The following TMEM178B variants were observed in gnomAD, a reference collection of about 807,000 sequenced individuals.
TMEM178B encodes transmembrane protein 178B.
In TMEM178B, 5 loss-of-function variants were observed where a neutral mutation model predicts 31.0. That is an observed-to-expected ratio of 0.16 (90% CI 0.08 to 0.34). The LOEUF (loss-of-function observed/expected upper bound fraction) is 0.34, where lower values mean the gene tolerates loss of function less well. Ranked by LOEUF, TMEM178B falls within the 10% of genes least tolerant of loss-of-function variation. The pLI, the probability that TMEM178B is intolerant of heterozygous loss-of-function variation, is 1.00. For synonymous variants in TMEM178B, 164 were observed against 164.0 expected, an observed-to-expected ratio of 1.00 and a Z score of 0.00; for missense variants, 275 against 400.3, an observed-to-expected ratio of 0.69 and a Z score of 2.67.
chr7:141,106,289 A>G (rs903969626), intron 1 of TMEM178B, among the ~76,000 whole-genome samples: 12 of 152,156 alleles, frequency 7.9e-5, no homozygotes, highest in African/African-American at 2.9e-4. Flanking sequence ...CAGACATGGC[A>G]CTCTTTTTCT....
At chr7:141,206,858 T>C (rs1185340169) in intron 1 of TMEM178B, among the ~76,000 whole-genome samples, 1 of 152,238 alleles carries the variant, frequency 6.6e-6, no homozygotes, top group Non-Finnish European at 1.5e-5. Flanking sequence ...TATTATTAAC[T>C]ATAGGCATAA....
intron 1 of TMEM178B, among the ~76,000 whole-genome samples, chr7:141,206,231 C>A (rs183320428): frequency 6.6e-6 from 1 of 152,312 alleles, no homozygotes; most frequent in East Asian, 1.9e-4. Flanking sequence ...ATGGAACAGT[C>A]TCTTCCCATT....
chr7:141,360,276 C>G (rs1404684781), intron 2 of TMEM178B, among the ~76,000 whole-genome samples: 1 of 152,186 alleles, frequency 6.6e-6, no homozygotes, highest in South Asian at 2.1e-4. Flanking sequence ...CTTCCTGCAG[C>G]CTTGGGGAAT....
chr7:141,383,221 T>A (rs968904084), intron 2 of TMEM178B, among the ~76,000 whole-genome samples: 1 of 149,472 alleles, frequency 6.7e-6, no homozygotes, highest in African/African-American at 2.5e-5. Flanking sequence ...AGATAATTCT[T>A]TTTTTTTTAA....
At chr7:141,415,856 C>T (rs1209589051) in intron 2 of TMEM178B, 1 of 152,128 alleles carries the variant, frequency 6.6e-6, no homozygotes, top group Non-Finnish European at 1.5e-5. Context: ...GGATCAGAAG[C>T]CCAGGAGAAA....
At chr7:141,192,809 C>T (rs1389712084) in intron 1 of TMEM178B, among the ~76,000 whole-genome samples, 1 of 152,212 alleles carries the variant, frequency 6.6e-6, no homozygotes, top group Non-Finnish European at 1.5e-5. Flanking sequence ...TGTTTCAGTA[C>T]TTAGACATCA....
intron 1 of TMEM178B, among the ~76,000 whole-genome samples, chr7:141,178,910 C>T (rs764292885): frequency 1.3e-5 from 2 of 152,140 alleles, no homozygotes; most frequent in Non-Finnish European, 2.9e-5. Context: ...AATGGAGGCC[C>T]GAGGGACTCT....
intron 1 of TMEM178B, among the ~76,000 whole-genome samples, chr7:141,092,219 T>G (rs1351164974): frequency 6.6e-6 from 1 of 152,186 alleles, no homozygotes; most frequent in Non-Finnish European, 1.5e-5. Flanking sequence ...AAAAAAATCT[T>G]GTAATCTGAA....
intron 2 of TMEM178B, among the ~76,000 whole-genome samples, chr7:141,298,806 AC>A (rs1359301492): frequency 7.9e-5 from 12 of 152,388 alleles, no homozygotes; most frequent in African/African-American, 2.9e-4. Context: ...TATGCAATCC[AC>A]ATACCAATTT....
At chr7:141,247,282 A>G (rs1797752588) in intron 2 of TMEM178B, among the ~76,000 whole-genome samples, 1 of 150,950 alleles carries the variant, frequency 6.6e-6, no homozygotes. Context: ...ATATACACAG[A>G]TATAGATGTA....
At chr7:141,467,079 A>T (rs1802158422) in intron 3 of TMEM178B, among the ~76,000 whole-genome samples, 1 of 151,994 alleles carries the variant, frequency 6.6e-6, no homozygotes, top group Non-Finnish European at 1.5e-5. Flanking sequence ...GGTCATACAA[A>T]GCACCTTTGC....
chr7:141,494,315 T>G, the TMEM178B span, among the ~76,000 whole-genome samples: 1 of 152,166 alleles, frequency 6.6e-6, no homozygotes, highest in Admixed American at 6.5e-5. Context: ...TATAGAAAAG[T>G]TGATTCTGAT....
chr7:141,510,975 A>T, the TMEM178B span, among the ~76,000 whole-genome samples: 1 of 152,216 alleles, frequency 6.6e-6, no homozygotes, highest in South Asian at 2.1e-4. Flanking sequence ...TTCACTGTTG[A>T]TGTGTAACTG....
intron 2 of TMEM178B, among the ~76,000 whole-genome samples, chr7:141,401,064 G>A (rs1304311127): frequency 6.6e-6 from 1 of 152,212 alleles, no homozygotes; most frequent in East Asian, 1.9e-4. Flanking sequence ...TCTCCAGTGG[G>A]TCATTGCTGA....
chr7:141,367,449 A>G (rs1800029237), intron 2 of TMEM178B, among the ~76,000 whole-genome samples: 2 of 151,772 alleles, frequency 1.3e-5, no homozygotes, highest in Admixed American at 1.3e-4. Flanking sequence ...TAATTTTTGT[A>G]TTTTTAGTAG....
chr7:141,092,007 T>C (rs1012846623), intron 1 of TMEM178B, among the ~76,000 whole-genome samples: 2 of 152,180 alleles, frequency 1.3e-5, no homozygotes, highest in African/African-American at 4.8e-5. Flanking sequence ...GGATTATAAG[T>C]GTGAGCTACC....
chr7:141,190,622 C>T (rs1270708553), intron 1 of TMEM178B, among the ~76,000 whole-genome samples: 1 of 152,110 alleles, frequency 6.6e-6, no homozygotes, highest in Non-Finnish European at 1.5e-5. Context: ...ATGTAATTTA[C>T]TGAATACTGT....
chr7:141,437,531 C>T, intron 2 of TMEM178B, 77 bp from the exon 3 acceptor site: 1 of 1,504,614 alleles, frequency 6.6e-7, no homozygotes, highest in Non-Finnish European at 8.9e-7. Context: ...TCTCTGCACC[C>T]ACCCCAGGGC....
chr7:141,192,899 G>C (rs1001455728), intron 1 of TMEM178B, among the ~76,000 whole-genome samples: 1 of 152,190 alleles, frequency 6.6e-6, no homozygotes, highest in Non-Finnish European at 1.5e-5. Context: ...TAATTCCCAG[G>C]GGGGAGGCAT....
Sources: allele counts gnomAD v4.1 joint callset (sites outside exome capture counted in the v4.1 genomes callset), GRCh38; gene constraint gnomAD v4.1.1; transcripts MANE v1.5; gene names NCBI Gene and HGNC (gene_info 2026-07-23, HGNC 2026-07-21).